LRFN2: variants seen among roughly 807,000 people sequenced by gnomAD.
LRFN2 encodes leucine rich repeat and fibronectin type III domain containing 2, also known as leucine-rich repeat and fibronectin type-III domain-containing protein 2.
A neutral mutation model predicts 37.3 loss-of-function variants in LRFN2; 18 were observed. The observed-to-expected ratio is 0.48, with a 90% CI of 0.33 to 0.72. The LOEUF (loss-of-function observed/expected upper bound fraction) is 0.72. LRFN2 is among the 30% of genes least tolerant of loss of function. The pLI, the probability that LRFN2 is intolerant of heterozygous loss-of-function variation, is 0.02. For synonymous variants in LRFN2, 556 were observed against 466.6 expected (o/e 1.19, Z -2.47); for missense variants, 1,006 against 1,060.7 (o/e 0.95, Z 0.72).
intron 1 of LRFN2, among the ~76,000 whole-genome samples, chr6:40,472,105 T>C (rs1764612314): frequency 6.6e-6 from 1 of 152,094 alleles, no homozygotes. Context: ...ATAAAGACAA[T>C]CAGGTTGTAC....
At chr6:40,439,147 C>A (rs989636313) in intron 1 of LRFN2, among the ~76,000 whole-genome samples, 1 of 152,114 alleles carries the variant, frequency 6.6e-6, no homozygotes, top group Non-Finnish European at 1.5e-5. Context: ...ATGGCTGGCA[C>A]GATATATGTG....
At chr6:40,445,202 T>C (rs1763942047) in intron 1 of LRFN2, among the ~76,000 whole-genome samples, 1 of 152,246 alleles carries the variant, frequency 6.6e-6, no homozygotes, top group African/African-American at 2.4e-5. Context: ...GGGAAGTATC[T>C]ACAGGGTGTC....
intron 1 of LRFN2, among the ~76,000 whole-genome samples, chr6:40,530,457 G>A (rs1446787876): frequency 6.6e-6 from 1 of 152,156 alleles, no homozygotes; most frequent in Non-Finnish European, 1.5e-5. Context: ...CATAACAGCA[G>A]CAGTGGTGGT....
chr6:40,406,350 C>T (rs974331270), intron 2 of LRFN2, among the ~76,000 whole-genome samples: 3 of 152,210 alleles, frequency 2.0e-5, no homozygotes, highest in African/African-American at 7.2e-5. Flanking sequence ...GGATCAGGTG[C>T]ACAGCCAGCT....
At chr6:40,442,423 T>C (rs927513300) in intron 1 of LRFN2, among the ~76,000 whole-genome samples, 19 of 152,188 alleles carry the variant, frequency 1.2e-4, no homozygotes, top group African/African-American at 2.4e-5. Flanking sequence ...TCCATAATTA[T>C]GGGCTGACAC....
intron 1 of LRFN2, among the ~76,000 whole-genome samples, chr6:40,539,229 T>C (rs1458434646): frequency 6.6e-6 from 1 of 152,164 alleles, no homozygotes; most frequent in Non-Finnish European, 1.5e-5. Flanking sequence ...ATCTGGAGCC[T>C]TCCTAAACAG....
intron 2 of LRFN2, among the ~76,000 whole-genome samples, chr6:40,424,623 T>G (rs560816730): frequency 6.6e-6 from 1 of 152,186 alleles, no homozygotes; most frequent in Non-Finnish European, 1.5e-5. Flanking sequence ...GCAGGTTCAT[T>G]TTGATCCGGG....
intron 1 of LRFN2, among the ~76,000 whole-genome samples, chr6:40,553,932 C>A (rs1341815367): frequency 6.6e-6 from 1 of 152,186 alleles, no homozygotes; most frequent in East Asian, 1.9e-4. Context: ...GTCCTTCCAG[C>A]CATGAATACT....
chr6:40,436,519 G>A (rs1763679807), intron 1 of LRFN2, among the ~76,000 whole-genome samples: 1 of 151,790 alleles, frequency 6.6e-6, no homozygotes, highest in South Asian at 2.1e-4. Context: ...TTCATCAAGG[G>A]CACCTTCATT....
intron 1 of LRFN2, among the ~76,000 whole-genome samples, chr6:40,584,195 A>G (rs1391296309): frequency 6.6e-6 from 1 of 151,338 alleles, no homozygotes; most frequent in Non-Finnish European, 1.5e-5. Context: ...TCTCTGAAGA[A>G]CTCTCTCTCC....
chr6:40,490,218 CA>C (rs750734252), intron 1 of LRFN2, among the ~76,000 whole-genome samples: 1 of 152,226 alleles, frequency 6.6e-6, no homozygotes, highest in Non-Finnish European at 1.5e-5. Flanking sequence ...GATTGGAGTA[CA>C]AGTGGGGAGA....
chr6:40,405,951 C>T (rs906928212), intron 2 of LRFN2, among the ~76,000 whole-genome samples: 2 of 152,190 alleles, frequency 1.3e-5, no homozygotes, highest in African/African-American at 4.8e-5. Context: ...ATGGCAGATG[C>T]AGCTGCCAGG....
intron 1 of LRFN2, among the ~76,000 whole-genome samples, chr6:40,434,657 T>C (rs1013472735): frequency 1.3e-5 from 2 of 151,878 alleles, no homozygotes; most frequent in African/African-American, 4.8e-5. Context: ...TTTGTATTTT[T>C]AGTAGAGACA....
intron 1 of LRFN2, among the ~76,000 whole-genome samples, chr6:40,482,526 T>A (rs1581739577): frequency 6.6e-6 from 1 of 152,264 alleles, no homozygotes; most frequent in East Asian, 1.9e-4. Context: ...CTTTTCCTTC[T>A]GGCAAGGGGT....
At chr6:40,579,539 C>CACT (rs3049023) in intron 1 of LRFN2, among the ~76,000 whole-genome samples, 148,330 of 151,910 alleles carry the variant, frequency 0.98, 72,458 homozygotes, top group East Asian at 1. Flanking sequence ...TCATCACCAC[C>CACT]ATCAGCTTTA....
chr6:40,452,181 A>G (rs184944155), intron 1 of LRFN2, among the ~76,000 whole-genome samples: 1 of 152,302 alleles, frequency 6.6e-6, no homozygotes, highest in East Asian at 1.9e-4. Context: ...AATCAAGGGC[A>G]AAGTGTAGAT....
chr6:40,586,371 C>T (rs1767503351), intron 1 of LRFN2, among the ~76,000 whole-genome samples: 1 of 152,176 alleles, frequency 6.6e-6, no homozygotes, highest in African/African-American at 2.4e-5. Flanking sequence ...CCCTGATCTG[C>T]TTTCTGCCTG....
intron 1 of LRFN2, among the ~76,000 whole-genome samples, chr6:40,578,912 T>C (rs1293657265): frequency 6.6e-6 from 1 of 152,188 alleles, no homozygotes; most frequent in Non-Finnish European, 1.5e-5. Flanking sequence ...GTACACACAT[T>C]TCTCCCTGTG....
At chr6:40,471,888 G>T (rs1288182213) in intron 1 of LRFN2, among the ~76,000 whole-genome samples, 2 of 152,142 alleles carry the variant, frequency 1.3e-5, no homozygotes, top group African/African-American at 4.8e-5. Context: ...CAAGCCCCTT[G>T]AGAGGGTGCC....
Sources: gnomAD v4.1 joint callset for allele counts (sites outside exome capture counted in the v4.1 genomes callset) on GRCh38, gnomAD v4.1.1 for gene constraint, MANE v1.5 for transcripts, NCBI Gene and HGNC (gene_info 2026-07-23, HGNC 2026-07-21) for gene names.